The following C12orf50 variants were observed in gnomAD, a reference collection of about 807,000 sequenced individuals.
C12orf50 encodes uncharacterized protein C12orf50.
In C12orf50, 35 loss-of-function variants were observed where a neutral mutation model predicts 61.6. The observed-to-expected ratio is 0.57, with a 90% confidence interval of 0.43 to 0.75. The LOEUF is 0.75. Ranked by LOEUF, C12orf50 falls within the 30% of genes least tolerant of loss-of-function variation. The pLI is 0.00. For synonymous variants in C12orf50, 178 were observed against 161.5 expected, an observed-to-expected ratio of 1.10 and a Z score of -0.77; for missense variants, 475 against 488.5, an observed-to-expected ratio of 0.97 and a Z score of 0.26.
rs1007432032 is a variant in C12orf50 at position 87,994,655 on chromosome 12, G to A, written c.570C>T (p.Asp190=). The A allele has an allele frequency of 6.2e-7, 1 of 1,611,488 alleles. No homozygotes were observed. Among genetic ancestry groups the A allele is most frequent in the Non-Finnish European group, 8.5e-7 (1 of 1,177,972 alleles). ...KTSLHGKPKT[D]IAAFENGGGD... is the part of the protein sequence containing the mutation. ...CACCTCCATTTTCAAAAGCAGCAAT[G>A]TCAGTCTTTGGTTTCCCATGCAATG... Residue 190 remains aspartate (D), a synonymous_variant, in exon 7 of 13, where the codon GAC becomes GAT. Coordinates refer to ENST00000298699, the MANE Select transcript of C12orf50 (RefSeq NM_152589.3).
chr12:88,012,205 G>A (rs534105489), intron 3 of C12orf50, among the ~76,000 whole-genome samples: 4 of 152,198 alleles, frequency 2.6e-5, no homozygotes, highest in South Asian at 4.2e-4. Flanking sequence ...CTACTATATC[G>A]CATCATGCCA....
intron 7 of C12orf50, among the ~76,000 whole-genome samples, chr12:87,991,044 A>T (rs1028408132): frequency 6.6e-6 from 1 of 152,134 alleles, no homozygotes; most frequent in Admixed American, 6.6e-5. Flanking sequence ...TTGATAACCC[A>T]GTAAAGCAAT....
Position 88,029,220 on chromosome 12 carries a change from A to G in C12orf50, c.-109+120T>C, listed in dbSNP as rs192962641. On this transcript the variant is annotated intron_variant, in intron 1 of 12. Coordinates refer to ENST00000298699, the MANE Select transcript of C12orf50 (RefSeq NM_152589.3). ...CAAGAACTATCAGTGTGTAAGGGGG[A>G]AAAATAATTTCTTTTCCACAGTCTT... 9.2e-3 allele frequency: 6,116 copies of G among 664,578 alleles called. 41 individuals are homozygous for G. Among genetic ancestry groups the G allele is most frequent in the Non-Finnish European group, 0.012 (5,405 of 456,948 alleles). The allele number at this position is 664,578 out of a possible 1,614,324, so 41.2% of individuals were successfully genotyped here.
chr12:88,006,284 T>C (rs1173239509), intron 3 of C12orf50, among the ~76,000 whole-genome samples: 1 of 152,218 alleles, frequency 6.6e-6, no homozygotes, highest in Non-Finnish European at 1.5e-5. Context: ...GTTTACAGTT[T>C]AGTTTGCTGC....
intron 3 of C12orf50, among the ~76,000 whole-genome samples, chr12:88,025,796 T>C (rs1277598153): frequency 3.9e-5 from 6 of 152,114 alleles, no homozygotes; most frequent in Admixed American, 2.6e-4. Context: ...TTGGTGGCCA[T>C]AGAAGGAAAG....
chr12:87,989,342 T>G lies in C12orf50; in HGVS notation c.622A>C (p.Ile208Leu), dbSNP rs200994715. 3.4e-4 allele frequency: 552 copies of G among 1,612,002 alleles called. 1 individual carries two copies. The highest frequency in any genetic ancestry group is 4.4e-4 in the Non-Finnish European group (523 of 1,178,774). Residue 208 changes from isoleucine to leucine, a missense_variant, in exon 8 of 13, where the codon ATA (isoleucine) becomes CTA (leucine). By Grantham distance (5) the Ile-to-Leu change is conservative. Coordinates refer to ENST00000298699, the MANE Select transcript of C12orf50 (RefSeq NM_152589.3). ...TCACTTTCATCGACTCCAAGAAATA[T>G]GACCCTCTGTGGAACATAACAGTCA... ...GGDCYVPQRV[I>L]FLGVDESEAL... is the part of the protein sequence containing the mutation.
chr12:88,007,091 A>T (rs1029568750), intron 3 of C12orf50, among the ~76,000 whole-genome samples: 1 of 152,226 alleles, frequency 6.6e-6, no homozygotes, highest in African/African-American at 2.4e-5. Flanking sequence ...TCTTCGCAAC[A>T]TCATTCTGAA....
intron 11 of C12orf50, chr12:87,984,746 C>T (rs2030714802): frequency 6.6e-6 from 1 of 152,186 alleles, no homozygotes; most frequent in Admixed American, 6.6e-5. Flanking sequence ...CTTGTGTTGA[C>T]ATTTGCACTA....
intron 7 of C12orf50, among the ~76,000 whole-genome samples, chr12:87,990,852 C>A (rs1237113737): frequency 6.6e-6 from 1 of 152,102 alleles, no homozygotes; most frequent in Non-Finnish European, 1.5e-5. Context: ...TCCCTTTAAA[C>A]TGTTATCTGA....
intron 3 of C12orf50, among the ~76,000 whole-genome samples, chr12:87,998,865 A>T (rs966450718): frequency 2.6e-5 from 4 of 152,238 alleles, no homozygotes; most frequent in Admixed American, 1.3e-4. Context: ...GGGGGAAAAA[A>T]TAGTATTTTC....
Position 87,987,896 on chromosome 12 carries a change from A to G in C12orf50, c.771T>C (p.Asn257=), listed in dbSNP as rs1385789282. ...ACTTCATACTGATATTCTCAGTAGC[A>G]TTTAATACATGCGTTGTAGGTACTA... is the stretch of plus-strand genomic sequence containing the variant. ...TRLVPTTHVL[N]ATENISMKCR... Residue 257 remains asparagine (N), a synonymous_variant, in exon 9 of 13, where the codon AAT becomes AAC. Coordinates refer to ENST00000298699, the MANE Select transcript of C12orf50 (RefSeq NM_152589.3). The G allele has an allele frequency of 1.2e-6, 2 of 1,611,588 alleles. No homozygotes were observed. Among genetic ancestry groups the G allele is most frequent in the Non-Finnish European group, 1.7e-6 (2 of 1,178,490 alleles).
chr12:88,023,674 A>G (rs1214874550), intron 3 of C12orf50, among the ~76,000 whole-genome samples: 1 of 151,860 alleles, frequency 6.6e-6, no homozygotes, highest in Non-Finnish European at 1.5e-5. Flanking sequence ...CTCAAAAAAA[A>G]AAAAAAAGAC....
chr12:87,992,598 C>T (rs949907529), intron 7 of C12orf50, among the ~76,000 whole-genome samples: 1 of 151,944 alleles, frequency 6.6e-6, no homozygotes, highest in Non-Finnish European at 1.5e-5. Flanking sequence ...TAAAAGAATC[C>T]AAACTAAGAG....
At chr12:87,985,568 C>T in intron 11 of C12orf50, 2 of 413,302 alleles carry the variant, frequency 4.8e-6, no homozygotes, top group South Asian at 4.5e-5. Flanking sequence ...TCCTGAGTGA[C>T]ATGAAGCTGT....
chr12:87,999,383 C>A (rs981511343), intron 3 of C12orf50, among the ~76,000 whole-genome samples: 1 of 152,100 alleles, frequency 6.6e-6, no homozygotes, highest in East Asian at 1.9e-4. Context: ...CGAGATCATG[C>A]CACTGCACTC....
intron 6 of C12orf50, among the ~76,000 whole-genome samples, chr12:87,995,578 A>G (rs2031347656): frequency 6.6e-6 from 1 of 152,198 alleles, no homozygotes; most frequent in African/African-American, 2.4e-5. Flanking sequence ...TTAAAAATAA[A>G]CAGCCTTTTA....
At chr12:87,994,886 T>G in intron 6 of C12orf50, 143 bp from the exon 7 acceptor site, 1 of 579,488 alleles carries the variant, frequency 1.7e-6, no homozygotes, top group South Asian at 2.3e-5. Flanking sequence ...AAACAATAAA[T>G]TAATAAATAC....
rs1255748480 is a variant in C12orf50 at position 88,004,304 on chromosome 12, G to A, written c.134-6114C>T. On this transcript the variant is annotated intron_variant, in intron 3 of 12. Coordinates refer to ENST00000298699, the MANE Select transcript of C12orf50 (RefSeq NM_152589.3). ...ACAAGCATATGAAAAAATGCTCATA[G>A]TCACTAATCATTAGAGAAATGCAAC... Among the ~76,000 whole-genome samples, 2 of 152,036 alleles carry A rather than the reference G, an allele frequency of 1.3e-5. 1 individual carries two copies. Among genetic ancestry groups the A allele is most frequent in the Admixed American group, 1.3e-4 (2 of 15,274 alleles).
At chr12:87,986,911 C>A (rs1374643677) in intron 9 of C12orf50, among the ~76,000 whole-genome samples, 1 of 151,980 alleles carries the variant, frequency 6.6e-6, no homozygotes, top group African/African-American at 2.4e-5. Flanking sequence ...CAAGATTGAG[C>A]AATCAGAATT....
Sources: gnomAD v4.1 joint callset for allele counts (sites outside exome capture counted in the v4.1 genomes callset) on GRCh38, gnomAD v4.1.1 for gene constraint, MANE v1.5 for transcripts, NCBI Gene and HGNC (gene_info 2026-07-23, HGNC 2026-07-21) for gene names.